FBXL17: variants seen among roughly 807,000 people sequenced by gnomAD.
FBXL17 encodes the protein F-box/LRR-repeat protein 17.
FBXL17 carries 22 observed loss-of-function variants against 66.2 expected under a neutral mutation model. That is an observed-to-expected ratio of 0.33 (90% CI 0.24 to 0.47). The LOEUF (loss-of-function observed/expected upper bound fraction) is 0.47, where lower values mean the gene tolerates loss of function less well. FBXL17 is among the 20% of genes least tolerant of loss of function. The pLI is 1.00. For missense variants in FBXL17, 878 were observed against 948.2 expected (o/e 0.93, Z 0.97); for synonymous variants, 474 against 400.5 (o/e 1.18, Z -2.19).
At chr5:108,289,952 A>G (rs1460481337) in intron 4 of FBXL17, among the ~76,000 whole-genome samples, 1 of 152,172 alleles carries the variant, frequency 6.6e-6, no homozygotes, top group African/African-American at 2.4e-5. Context: ...TTACTCTGTA[A>G]AACATTCACA....
intron 4 of FBXL17, among the ~76,000 whole-genome samples, chr5:108,313,567 G>C (rs1580798042): frequency 6.6e-6 from 1 of 152,102 alleles, no homozygotes; most frequent in Non-Finnish European, 1.5e-5. Context: ...ATTTCAGTAA[G>C]AGTTGGATAG....
At chr5:108,049,301 C>T (rs998082165) in intron 6 of FBXL17, among the ~76,000 whole-genome samples, 3 of 151,942 alleles carry the variant, frequency 2.0e-5, no homozygotes, top group African/African-American at 7.3e-5. Flanking sequence ...CACCACCACA[C>T]CCAGCTAATT....
chr5:108,344,184 G>C (rs548894761), intron 4 of FBXL17, among the ~76,000 whole-genome samples: 249 of 152,104 alleles, frequency 1.6e-3, no homozygotes, highest in Middle Eastern at 3.4e-3. Flanking sequence ...AGGGGGTCGG[G>C]GGGGAAAGCC....
chr5:108,004,722 C>CT (rs1580315260), intron 7 of FBXL17, among the ~76,000 whole-genome samples: 1 of 152,162 alleles, frequency 6.6e-6, no homozygotes, highest in East Asian at 1.9e-4. Flanking sequence ...CTCACAGCTC[C>CT]TATAGCTCTG....
intron 7 of FBXL17, among the ~76,000 whole-genome samples, chr5:107,931,422 G>A (rs997582098): frequency 1.3e-5 from 2 of 151,714 alleles, no homozygotes; most frequent in Non-Finnish European, 2.9e-5. Context: ...ACCACGCCTG[G>A]CTAATTTTTT....
intron 7 of FBXL17, among the ~76,000 whole-genome samples, chr5:107,953,402 CAAA>C (rs1166788701): frequency 5.9e-5 from 3 of 50,602 alleles, no homozygotes; most frequent in Non-Finnish European, 7.8e-5. Context: ...GACTCTCTCT[CAAA>C]AAAAAAAAAA....
intron 4 of FBXL17, among the ~76,000 whole-genome samples, chr5:108,348,070 C>G (rs1368781884): frequency 5.9e-5 from 9 of 152,132 alleles, no homozygotes; most frequent in African/African-American, 1.9e-4. Flanking sequence ...CTAGAGATAT[C>G]AGAAAGAACT....
At chr5:108,036,529 A>T (rs1211945212) in intron 6 of FBXL17, among the ~76,000 whole-genome samples, 1 of 152,094 alleles carries the variant, frequency 6.6e-6, no homozygotes, top group Non-Finnish European at 1.5e-5. Context: ...TACCATATAC[A>T]TTGCCTCCAC....
intron 7 of FBXL17, among the ~76,000 whole-genome samples, chr5:107,949,582 T>TG (rs753601583): frequency 2.0e-5 from 3 of 152,104 alleles, no homozygotes; most frequent in Admixed American, 1.3e-4. Context: ...GGAAAATACT[T>TG]GGGAGAGGAG....
intron 4 of FBXL17, among the ~76,000 whole-genome samples, chr5:108,252,493 A>T (rs970740743): frequency 2.6e-5 from 4 of 152,186 alleles, no homozygotes; most frequent in Non-Finnish European, 4.4e-5. Flanking sequence ...GAATTCTCTA[A>T]GAGTATTATT....
At chr5:108,125,287 C>T (rs1025174408) in intron 6 of FBXL17, among the ~76,000 whole-genome samples, 1 of 151,908 alleles carries the variant, frequency 6.6e-6, no homozygotes, top group African/African-American at 2.4e-5. Flanking sequence ...ATATATACAC[C>T]TACTATGTAC....
chr5:108,251,060 A>T (rs564644258), intron 4 of FBXL17, among the ~76,000 whole-genome samples: 1 of 152,168 alleles, frequency 6.6e-6, no homozygotes, highest in African/African-American at 2.4e-5. Context: ...ATATCCTTGT[A>T]GATATATTTT....
At chr5:108,146,007 A>C (rs1032626300) in intron 6 of FBXL17, among the ~76,000 whole-genome samples, 2 of 152,006 alleles carry the variant, frequency 1.3e-5, no homozygotes, top group Admixed American at 6.6e-5. Flanking sequence ...TCACGAGGTC[A>C]GGAGATCGAA....
intron 6 of FBXL17, among the ~76,000 whole-genome samples, chr5:108,033,641 C>T (rs1167566547): frequency 6.6e-6 from 1 of 152,134 alleles, no homozygotes; most frequent in Non-Finnish European, 1.5e-5. Flanking sequence ...ATTAGTAGTA[C>T]ACACGTAGTA....
At chr5:108,163,283 A>G (rs1752282488) in intron 6 of FBXL17, among the ~76,000 whole-genome samples, 1 of 152,166 alleles carries the variant, frequency 6.6e-6, no homozygotes, top group African/African-American at 2.4e-5. Context: ...TAAACTCTCA[A>G]TCCTTTAAAT....
intron 7 of FBXL17, among the ~76,000 whole-genome samples, chr5:107,943,919 A>T (rs1751198602): frequency 6.6e-6 from 1 of 152,184 alleles, no homozygotes; most frequent in Non-Finnish European, 1.5e-5. Flanking sequence ...TGAGGTACCA[A>T]TCTGTGACTG....
At chr5:108,045,714 T>G (rs1450324429) in intron 6 of FBXL17, among the ~76,000 whole-genome samples, 2 of 152,230 alleles carry the variant, frequency 1.3e-5, no homozygotes, top group African/African-American at 4.8e-5. Context: ...TGTGACTTCC[T>G]CTTTCACCTA....
At chr5:108,036,995 A>C (rs1349274812) in intron 6 of FBXL17, among the ~76,000 whole-genome samples, 1 of 152,206 alleles carries the variant, frequency 6.6e-6, no homozygotes, top group African/African-American at 2.4e-5. Context: ...TGTGGTAACA[A>C]AACAAAGGGA....
chr5:108,072,925 G>T (rs1353293058), intron 6 of FBXL17, among the ~76,000 whole-genome samples: 1 of 152,122 alleles, frequency 6.6e-6, no homozygotes, highest in African/African-American at 2.4e-5. Flanking sequence ...AATCTGAGAT[G>T]AAAAAGATAA....
Sources: allele counts gnomAD v4.1 joint callset (sites outside exome capture counted in the v4.1 genomes callset), GRCh38; gene constraint gnomAD v4.1.1; transcripts MANE v1.5; gene names NCBI Gene and HGNC (gene_info 2026-07-23, HGNC 2026-07-21).